The following TTC7B variants were observed in gnomAD, a reference collection of about 807,000 sequenced individuals.
TTC7B encodes the protein tetratricopeptide repeat domain 7B.
Under a neutral mutation model 106.8 loss-of-function variants are expected in TTC7B, and 28 were observed. The ratio of observed to expected loss-of-function variants is 0.26; its 90% confidence interval spans 0.19 to 0.36. The LOEUF (loss-of-function observed/expected upper bound fraction) is 0.36, where lower values mean the gene tolerates loss of function less well. TTC7B is among the 10% of genes least tolerant of loss of function. The pLI, the probability that TTC7B is intolerant of heterozygous loss-of-function variation, is 1.00. For missense variants in TTC7B, 862 were observed against 1,076.4 expected (o/e 0.80, Z 2.79); for synonymous variants, 405 against 430.6 (o/e 0.94, Z 0.74).
intron 5 of TTC7B, among the ~76,000 whole-genome samples, chr14:90,703,423 C>T (rs992673980): frequency 6.6e-5 from 10 of 152,262 alleles, no homozygotes; most frequent in East Asian, 3.9e-4. Flanking sequence ...TCCCTCCAAA[C>T]GCACCACAAG....
At chr14:90,676,341 C>A (rs962493051) in intron 9 of TTC7B, 182 bp downstream of exon 9, 3 of 538,608 alleles carry the variant, frequency 5.6e-6, no homozygotes, top group Non-Finnish European at 9.7e-6. Context: ...AATTCCACCA[C>A]CTAATCATTT....
chr14:90,748,907 T>C (rs893039764), intron 3 of TTC7B, among the ~76,000 whole-genome samples: 3 of 152,230 alleles, frequency 2.0e-5, no homozygotes, highest in African/African-American at 7.2e-5. Context: ...ACATTTCTTG[T>C]AGGGTAGTTC....
intron 5 of TTC7B, among the ~76,000 whole-genome samples, chr14:90,726,914 G>A (rs1566858093): frequency 2.0e-5 from 3 of 152,122 alleles, no homozygotes; most frequent in South Asian, 4.2e-4. Context: ...AAGTCAGACC[G>A]CGCCCAGAGA....
chr14:90,788,583 C>G (rs1238472105), intron 1 of TTC7B, among the ~76,000 whole-genome samples: 1 of 151,490 alleles, frequency 6.6e-6, no homozygotes, highest in African/African-American at 2.4e-5. Context: ...AAAAAAAAAT[C>G]AATCTAATCT....
chr14:90,675,642 C>A (rs113140128), intron 9 of TTC7B, among the ~76,000 whole-genome samples: 1 of 152,234 alleles, frequency 6.6e-6, no homozygotes, highest in South Asian at 2.1e-4. Flanking sequence ...CCTAATGTGG[C>A]GATGCACTGG....
Position 90,577,526 on chromosome 14 carries a change from G to A in TTC7B, c.2310+580C>T, listed in dbSNP as rs1326518252. Among the ~76,000 whole-genome samples, 4 of 152,142 alleles carry A rather than the reference G, an allele frequency of 2.6e-5. No individual in the cohort carries two copies. The highest frequency in any genetic ancestry group is 4.4e-5 in the Non-Finnish European group (3 of 68,008). On this transcript the variant is annotated intron_variant, in intron 19 of 19. Transcript: ENST00000328459. This position sits in a 1 kb window ranked among gnomAD's most constrained non-coding sequence, Gnocchi z 5.0. ...GAAGGATGTGCACTCGTTGAGCGCC[G>A]CCACACCCCTGTGCAGTGTGGACAC...
At chr14:90,607,256 C>A (rs1207296633) in intron 17 of TTC7B, among the ~76,000 whole-genome samples, 1 of 152,226 alleles carries the variant, frequency 6.6e-6, no homozygotes, top group African/African-American at 2.4e-5. Context: ...TCTGCCTGCA[C>A]AGCGGGTGAT....
chr14:90,758,537 G>T (rs1890393270), intron 3 of TTC7B, among the ~76,000 whole-genome samples: 1 of 152,158 alleles, frequency 6.6e-6, no homozygotes, highest in Admixed American at 6.5e-5. Flanking sequence ...CCGCGCATGC[G>T]CAACTGTGGC....
intron 9 of TTC7B, among the ~76,000 whole-genome samples, chr14:90,658,877 G>T (rs1003568515): frequency 4.6e-5 from 7 of 152,206 alleles, no homozygotes; most frequent in Non-Finnish European, 1.0e-4. Flanking sequence ...GCCGTGGTGA[G>T]TAATCTACAA....
At chr14:90,625,216 G>A (rs779414615) in intron 15 of TTC7B, among the ~76,000 whole-genome samples, 1 of 152,226 alleles carries the variant, frequency 6.6e-6, no homozygotes, top group African/African-American at 2.4e-5. Context: ...AGATGTGCCA[G>A]TAGCATGTCG....
chr14:90,787,277 A>T (rs1274762896), intron 1 of TTC7B, among the ~76,000 whole-genome samples: 3 of 152,204 alleles, frequency 2.0e-5, no homozygotes, highest in African/African-American at 7.2e-5. Context: ...TTCAAATGAA[A>T]AGTTCACTCC....
chr14:90,640,607 TG>T (rs1279794248), intron 15 of TTC7B, among the ~76,000 whole-genome samples: 1 of 152,244 alleles, frequency 6.6e-6, no homozygotes, highest in African/African-American at 2.4e-5. Context: ...AACATTCATT[TG>T]ATTTTATTCC....
intron 1 of TTC7B, among the ~76,000 whole-genome samples, chr14:90,794,929 T>G (rs1306578820): frequency 2.6e-5 from 4 of 152,040 alleles, no homozygotes; most frequent in African/African-American, 9.7e-5. Context: ...CAACACTCCA[T>G]GAGCACTGCC....
intron 18 of TTC7B, among the ~76,000 whole-genome samples, chr14:90,592,787 T>G (rs529220378): frequency 6.6e-6 from 1 of 150,750 alleles, no homozygotes; most frequent in African/African-American, 2.4e-5. Context: ...GCCAGCAGAG[T>G]GCCCTGGGAA....
At chr14:90,710,735 C>T (rs1888413208) in intron 5 of TTC7B, among the ~76,000 whole-genome samples, 1 of 152,202 alleles carries the variant, frequency 6.6e-6, no homozygotes, top group African/African-American at 2.4e-5. Context: ...GACGACTGAG[C>T]ATTTTTTAGC....
In TTC7B at chr14:90,789,818, C is replaced by A. The variant is rs553457155; in HGVS notation, c.122-3490G>T. ...GGCTGAGGCAGGAGAATGGCGTGAACCTGGGGGGTGGAGCTTGCAGTAAGC... is the reference window on the plus strand; with the variant it reads ...GGCTGAGGCAGGAGAATGGCGTGAAACTGGGGGGTGGAGCTTGCAGTAAGC... On this transcript the variant is annotated intron_variant, in intron 1 of 19. Coordinates refer to ENST00000328459, the MANE Select transcript of TTC7B (RefSeq NM_001010854.2). Among the ~76,000 whole-genome samples the A allele has an allele frequency of 2.5e-3, 385 of 151,666 alleles. 2 individuals carry two copies. Among genetic ancestry groups the A allele is most frequent in the Non-Finnish European group, 3.8e-3 (255 of 67,976 alleles).
intron 17 of TTC7B, among the ~76,000 whole-genome samples, chr14:90,597,110 T>C (rs757041832): frequency 6.6e-6 from 1 of 152,216 alleles, no homozygotes; most frequent in Non-Finnish European, 1.5e-5. Flanking sequence ...TTAGAAATAA[T>C]GTTTTTCTTC....
At chr14:90,572,390 A>T (rs569475489) in intron 19 of TTC7B, among the ~76,000 whole-genome samples, 1 of 152,318 alleles carries the variant, frequency 6.6e-6, no homozygotes, top group East Asian at 1.9e-4. Context: ...AGACATATCC[A>T]CTGCACCTCA....
chr14:90,717,294 G>T (rs529476055), intron 5 of TTC7B, among the ~76,000 whole-genome samples: 60 of 150,408 alleles, frequency 4.0e-4, no homozygotes, highest in African/African-American at 1.4e-3. Flanking sequence ...AGCTGAGATC[G>T]CACCCCTGCA....
Sources: allele counts gnomAD v4.1 joint callset (sites outside exome capture counted in the v4.1 genomes callset), GRCh38; gene constraint gnomAD v4.1.1; non-coding constraint Gnocchi (gnomAD v3.1); transcripts MANE v1.5; gene names NCBI Gene and HGNC (gene_info 2026-07-23, HGNC 2026-07-21).